The following PCDHGA6 variants were observed in gnomAD, a reference collection of about 807,000 sequenced individuals.
The protein encoded by PCDHGA6 is protocadherin gamma-A6.
In PCDHGA6, 41 loss-of-function variants were observed where a neutral mutation model predicts 60.6. The observed-to-expected ratio is 0.68, with a 90% CI of 0.53 to 0.88. The LOEUF (loss-of-function observed/expected upper bound fraction) is 0.88. PCDHGA6 is among the 40% of genes least tolerant of loss of function. The pLI, the probability that PCDHGA6 is intolerant of heterozygous loss-of-function variation, is 0.00. For synonymous variants in PCDHGA6, 594 were observed against 524.4 expected (o/e 1.13, Z -1.81); for missense variants, 1,312 against 1,203.0 (o/e 1.09, Z -1.34).
chr5:141,413,725 C>A, intron 1 of PCDHGA6: 1 of 1,613,546 alleles, frequency 6.2e-7, no homozygotes, highest in Non-Finnish European at 8.5e-7. Flanking sequence ...GCACTTCTCC[C>A]TAAGAGTTCA....
chr5:141,405,375 C>T lies in PCDHGA6; in HGVS notation c.2424+28868C>T, dbSNP rs368501516. On this transcript the variant is annotated intron_variant, in intron 1 of 3. Transcript: ENST00000517434. ...CCTATAGAAGACACCCCTTTGGTTC[C>T]GGTGAGTTCATTTTTTTTCTTTCTT... The T allele has an allele frequency of 3.2e-5, 51 of 1,602,124 alleles. No individual in the cohort carries two copies. Among genetic ancestry groups the T allele is most frequent in the East Asian group, 6.7e-5 (3 of 44,850 alleles).
chr5:141,415,423 G>T (rs2154545734), intron 1 of PCDHGA6: 1 of 1,614,204 alleles, frequency 6.2e-7, no homozygotes, highest in Non-Finnish European at 8.5e-7. Context: ...CGTGGACGGG[G>T]TTCGGGCTTT....
rs932721053 is a variant in PCDHGA6 at position 141,398,645 on chromosome 5, C to G, written c.2424+22138C>G. 1.3e-5 allele frequency: 21 copies of G among 1,613,938 alleles called. No homozygotes were observed. In the Admixed American group the frequency reaches 3.3e-4, roughly 26 times the overall value. The stretch of plus-strand genomic sequence containing the variant: ...AACTCTCTGCAGAAGTATAAACTCT[C>G]TCTTAACCCAAGTTTCTCATTAATA... On this transcript the variant is annotated intron_variant, in intron 1 of 3. Coordinates refer to ENST00000517434, the MANE Select transcript of PCDHGA6 (RefSeq NM_018919.3).
At chr5:141,437,561 C>G (rs1228292384) in intron 1 of PCDHGA6, among the ~76,000 whole-genome samples, 1 of 152,110 alleles carries the variant, frequency 6.6e-6, no homozygotes, top group Non-Finnish European at 1.5e-5. Context: ...TGACATGTAA[C>G]AGAGTATAGC....
At chr5:141,443,029 C>T (rs1281303741) in intron 1 of PCDHGA6, among the ~76,000 whole-genome samples, 3 of 152,192 alleles carry the variant, frequency 2.0e-5, no homozygotes, top group Non-Finnish European at 2.9e-5. Flanking sequence ...AGTTGCCAGA[C>T]CTAAACTTTG....
At chr5:141,389,620 C>T (rs1447057180) in intron 1 of PCDHGA6, 1 of 1,613,032 alleles carries the variant, frequency 6.2e-7, no homozygotes, top group African/African-American at 1.3e-5. Context: ...GTGCCGCACG[C>T]TGCAGAGCCT....
Position 141,490,156 on chromosome 5 carries a change from G to T in PCDHGA6, c.2425-4651G>T. On this transcript the variant is annotated intron_variant, in intron 1 of 3. Coordinates refer to ENST00000517434, the MANE Select transcript of PCDHGA6 (RefSeq NM_018919.3). The surrounding 1 kb of genome is among the most constrained non-coding windows in gnomAD (Gnocchi z 5.4). ...TAGCAGTGGGGCAATCCATGTGTTG[G>T]GTCCCATAGACTTTGAGGAGTCACG... is the stretch of plus-strand genomic sequence containing the variant. 3.1e-6 allele frequency: 5 copies of T among 1,614,192 alleles called. No individual in the cohort carries two copies. Among genetic ancestry groups the T allele is most frequent in the Non-Finnish European group, 4.2e-6 (5 of 1,180,034 alleles).
At chr5:141,413,625 C>A (rs372855865) in intron 1 of PCDHGA6, 22 of 1,613,734 alleles carry the variant, frequency 1.4e-5, no homozygotes, top group Non-Finnish European at 1.9e-5. Flanking sequence ...ATGAAAATGT[C>A]GCTGCGGGAA....
At chr5:141,395,216 G>T in intron 1 of PCDHGA6, 1 of 1,612,150 alleles carries the variant, frequency 6.2e-7, no homozygotes, top group Non-Finnish European at 8.5e-7. Context: ...ATGAATATAA[G>T]AATGAAGCTG....
At position 141,431,747 on chromosome 5, in the gene PCDHGA6, C is replaced by T. The variant is rs371020840; in HGVS notation, c.2424+55240C>T. The T allele has an allele frequency of 5.0e-6, 8 of 1,614,064 alleles. No individual in the cohort carries two copies. In the Admixed American group the frequency reaches 5.0e-5, roughly 10 times the overall value. On this transcript the variant is annotated intron_variant, in intron 1 of 3. Transcript: ENST00000517434. This position sits in a 1 kb window ranked among gnomAD's most constrained non-coding sequence, Gnocchi z 4.8. ...AATGGATAATGCAGGATATTCTGCG[C>T]GAGCCAAAGTCCTGATCACTGTTCT...
intron 1 of PCDHGA6, among the ~76,000 whole-genome samples, chr5:141,438,339 AGGATC>A (rs1013025873): frequency 1.6e-4 from 25 of 151,944 alleles, no homozygotes; most frequent in Non-Finnish European, 1.9e-4. Flanking sequence ...ATGTCATATA[AGGATC>A]TACTCTGTGT....
chr5:141,402,352 T>G (rs949706048), intron 1 of PCDHGA6, among the ~76,000 whole-genome samples: 1 of 151,978 alleles, frequency 6.6e-6, no homozygotes, highest in Non-Finnish European at 1.5e-5. Flanking sequence ...AAATTAAAAA[T>G]GAATGTACTT....
rs189767695 is a variant in PCDHGA6, at chr5:141,497,247, T to C, written c.2483+2382T>C. Among the ~76,000 whole-genome samples the C allele has an allele frequency of 2.0e-5, 3 of 151,456 alleles. No individual in the cohort carries two copies. The East Asian group carries it at 5.8e-4, about 29-fold the overall frequency. ...ATCAGAGAAGGCTTCTAGGAGGAGGTGACATTGAGAAGTTCTAGGCCATTT... is the reference window on the plus strand; with the variant it reads ...ATCAGAGAAGGCTTCTAGGAGGAGGCGACATTGAGAAGTTCTAGGCCATTT... On this transcript the variant is annotated intron_variant, in intron 2 of 3. Transcript: ENST00000517434.
chr5:141,405,744 C>T (rs2094711384), intron 1 of PCDHGA6, among the ~76,000 whole-genome samples: 1 of 152,192 alleles, frequency 6.6e-6, no homozygotes, highest in African/African-American at 2.4e-5. Flanking sequence ...TCCCAAAGCA[C>T]TGGGATTACA....
intron 1 of PCDHGA6, among the ~76,000 whole-genome samples, chr5:141,438,019 G>A (rs1031334687): frequency 1.3e-5 from 2 of 152,104 alleles, no homozygotes; most frequent in Non-Finnish European, 2.9e-5. Context: ...GAGATTACAG[G>A]TGTGAGCCAC....
rs11410533 is a variant in PCDHGA6, at chr5:141,429,387, TAAAA to T, written c.2424+52885_2424+52888del. Among the ~76,000 whole-genome samples, 383 of 151,446 alleles carry T rather than the reference TAAAA, an allele frequency of 2.5e-3. 1 individual carries two copies. The highest frequency in any genetic ancestry group is 4.2e-3 in the South Asian group (20 of 4,786). ...AAATGGAGAAAATGTGTTTTTTTTT[TAAAA>T]AAAATTGAGATTAAGGTCTCATTAT... On this transcript the variant is annotated intron_variant, in intron 1 of 3. Transcript: ENST00000517434.
rs1025148587 is a variant in PCDHGA6, at chr5:141,431,434, C to T, written c.2424+54927C>T. ...GGGGCGACCCGGTGCGCACAGGCAC[C>T]GCGCGCATCCGCGTGATGGTTCTGG... On this transcript the variant is annotated intron_variant, in intron 1 of 3. Transcript: ENST00000517434. This position sits in a 1 kb window ranked among gnomAD's most constrained non-coding sequence, Gnocchi z 4.8. The T allele has an allele frequency of 6.2e-7, 1 of 1,613,690 alleles. No homozygotes were observed. The highest frequency in any genetic ancestry group is 1.3e-5 in the African/African-American group (1 of 75,072).
At chr5:141,389,790 G>A (rs1328126483) in intron 1 of PCDHGA6, 4 of 1,613,352 alleles carry the variant, frequency 2.5e-6, no homozygotes, top group Non-Finnish European at 3.4e-6. Flanking sequence ...CAGGGACGCC[G>A]TCCGCCAGCG....
intron 1 of PCDHGA6, chr5:141,423,749 TTGGGGGGGGGG>T: frequency 3.7e-6 from 1 of 272,202 alleles, no homozygotes; most frequent in Non-Finnish European, 4.7e-6. Context: ...TGAAAACTGT[TTGGGGGGGGGG>T]TGGGGCGGCA....
Sources: gnomAD v4.1 joint callset for allele counts (sites outside exome capture counted in the v4.1 genomes callset) on GRCh38, gnomAD v4.1.1 for gene constraint, Gnocchi (gnomAD v3.1) non-coding constraint, MANE v1.5 for transcripts, NCBI Gene and HGNC (gene_info 2026-07-23, HGNC 2026-07-21) for gene names.